Variants in FSIP2 observed in about 807,000 individuals in gnomAD.
The protein encoded by FSIP2 is fibrous sheath interacting protein 2, also known as fibrous sheath-interacting protein 2.
A neutral mutation model predicts 510.5 loss-of-function variants in FSIP2; 367 were observed. The observed-to-expected ratio is 0.72, with a 90% CI of 0.66 to 0.78. The LOEUF is 0.78. Ranked by LOEUF, FSIP2 falls within the 30% of genes least tolerant of loss-of-function variation. The probability of loss-of-function intolerance (pLI) is 0.00; values close to 1 mark genes in which losing one functional copy is unlikely to be tolerated. For missense variants in FSIP2, 7,594 were observed against 7,901.7 expected (o/e 0.96, Z 1.48); for synonymous variants, 2,601 against 2,732.2 (o/e 0.95, Z 1.50).
Position 185,753,825 on chromosome 2 carries a change from G to A in FSIP2, c.974G>A (p.Gly325Asp). The A allele has an allele frequency of 1.4e-6, 2 of 1,479,154 alleles. No homozygotes were observed. The highest frequency in any genetic ancestry group is 1.8e-6 in the Non-Finnish European group (2 of 1,119,410). The allele number at this position is 1,479,154 out of a possible 1,614,324, so 91.6% of individuals were successfully genotyped here. A position where few individuals can be genotyped will look rare whatever the true frequency, so the allele number is the denominator to read the frequency against. ...GGAAAAAATACATTTAAATACAGAGGTCAAGATGGAACACATGGTGAATGT... is the reference window on the plus strand; with the variant it reads ...GGAAAAAATACATTTAAATACAGAGATCAAGATGGAACACATGGTGAATGT... Reference protein sequence around the residue: ...DIGKNTFKYRGQDGTHASPKN... With the variant: ...DIGKNTFKYRDQDGTHASPKN... Residue 325 changes from glycine (G) to aspartate (D), a missense_variant, in exon 8 of 23, where the codon GGT becomes GAT. Coordinates refer to ENST00000424728, the MANE Select transcript of FSIP2 (RefSeq NM_173651.4).
intron 13 of FSIP2, among the ~76,000 whole-genome samples, chr2:185,777,193 A>G (rs1362675953): frequency 4.2e-4 from 64 of 152,312 alleles, no homozygotes; most frequent in South Asian, 4.1e-4. Flanking sequence ...CCTGAAAATA[A>G]CAGAGTGCTG....
At position 185,802,740 on chromosome 2, in the gene FSIP2, T is replaced by A; in HGVS notation, c.13434T>A (p.Ser4478=). ...AAGATATGATCAGAGTACTATTATC[T>A]AAATTATTTTCTTCTGCATCTAGCC... is the stretch of plus-strand genomic sequence containing the variant. The part of the protein sequence containing the change: ...FLEDMIRVLL[S]KLFSSASSLV... The change falls in exon 17 of 23, where the codon TCT becomes TCA. Residue 4478 remains serine, a synonymous_variant. Transcript: ENST00000424728. 1 of 1,512,452 alleles carries A rather than the reference T, an allele frequency of 6.6e-7. No homozygotes were observed. 93.7% of individuals were successfully genotyped at this position (1,512,452 alleles called of 1,614,324 possible). A position where few individuals can be genotyped will look rare whatever the true frequency, so the allele number is the denominator to read the frequency against.
At chr2:185,785,010 T>G (rs906444554) in intron 14 of FSIP2, among the ~76,000 whole-genome samples, 2 of 152,104 alleles carry the variant, frequency 1.3e-5, no homozygotes, top group Non-Finnish European at 2.9e-5. Flanking sequence ...CTTTGCACTT[T>G]CGTGCTGTTT....
Position 185,796,692 on chromosome 2 carries a change from AC to A in FSIP2, c.9557del (p.Thr3186MetfsTer11), listed in dbSNP as rs1210297170. The A allele has an allele frequency of 3.7e-5, 57 of 1,534,986 alleles. No individual in the cohort carries two copies. Among genetic ancestry groups the A allele is most frequent in the Non-Finnish European group, 5.0e-5 (57 of 1,146,266 alleles). The stretch of plus-strand genomic sequence containing the variant: ...GATTAATCCTTCACAAGTGAGTAAA[AC>A]TGGGTTTGTGTTTTGTTCAGATGAA... ...LGINPSQVSK[T>X]GFVFCSDEDM... On this transcript the variant is annotated frameshift_variant, in exon 16 of 23. Transcript: ENST00000424728. LOFTEE classifies it high-confidence loss of function.
At chr2:185,787,561 A>G (rs891692080) in intron 15 of FSIP2, among the ~76,000 whole-genome samples, 38 of 151,788 alleles carry the variant, frequency 2.5e-4, no homozygotes, top group African/African-American at 9.2e-4. Context: ...TACAAGCTCT[A>G]TGTTTTAAGA....
Position 185,792,273 on chromosome 2 carries a change from A to C in FSIP2, c.5137A>C (p.Thr1713Pro). 1 of 1,533,412 alleles carries C rather than the reference A, an allele frequency of 6.5e-7. No homozygotes were observed. The allele number at this position is 1,533,412 out of a possible 1,614,324, so 95.0% of individuals were successfully genotyped here. A position where few individuals can be genotyped will look rare whatever the true frequency, so the allele number is the denominator to read the frequency against. Residue 1713 changes from threonine (T) to proline (P), a missense_variant, in exon 16 of 23, where the codon ACA becomes CCA. Thr to Pro is a conservative substitution (Grantham distance 38). Transcript: ENST00000424728. Reference protein sequence around the residue: ...GGIETYRYRPTYGSLPGGAES... With the variant: ...GGIETYRYRPPYGSLPGGAES... ...CATTGAAACTTATCGATACAGGCCA[A>C]CATATGGAAGTCTTCCTGGAGGAGC...
rs1248795267 is a variant in FSIP2, at chr2:185,796,075, T to C, written c.8939T>C (p.Ile2980Thr). 12 of 1,531,800 alleles carry C rather than the reference T, an allele frequency of 7.8e-6. No individual in the cohort carries two copies. Among genetic ancestry groups the C allele is most frequent in the Non-Finnish European group, 1.0e-5 (12 of 1,145,370 alleles). 94.9% of individuals were successfully genotyped at this position (1,531,800 alleles called of 1,614,324 possible). The stretch of plus-strand genomic sequence containing the variant: ...TATAACACAAAGACAAAAGACCAAA[T>C]TTCTGTGGGCTCCAGCAACCAAATT... ...PIYNTKTKDQ[I>T]SVGSSNQIVQ... Residue 2980 changes from isoleucine to threonine, a missense_variant, in exon 16 of 23, where the codon ATT becomes ACT. Ile to Thr is a moderately conservative substitution (Grantham distance 89). Transcript: ENST00000424728.
intron 21 of FSIP2, among the ~76,000 whole-genome samples, chr2:185,829,109 T>C (rs751263631): frequency 6.6e-6 from 1 of 151,874 alleles, no homozygotes; most frequent in Non-Finnish European, 1.5e-5. Flanking sequence ...AGAAGGGAAA[T>C]GCTGAAGCTC....
Position 185,745,559 on chromosome 2 carries a change from T to A in FSIP2, c.608T>A (p.Met203Lys). Residue 203 changes from methionine (M) to lysine (K), a missense_variant, in exon 5 of 23, where the codon ATG becomes AAG. Met to Lys is a moderately conservative substitution (Grantham distance 95). Coordinates refer to ENST00000424728, the MANE Select transcript of FSIP2 (RefSeq NM_173651.4). ...TESIKDQERL[M>K]RHRYLDMISR... ...TCTATTAAGGACCAGGAGCGGCTGA[T>A]GAGGCATAGGTAAGATTAAAGTTGA... 2 of 1,533,980 alleles carry A rather than the reference T, an allele frequency of 1.3e-6. No individual in the cohort carries two copies. Among genetic ancestry groups the A allele is most frequent in the Non-Finnish European group, 1.7e-6 (2 of 1,145,708 alleles).
intron 9 of FSIP2, among the ~76,000 whole-genome samples, chr2:185,758,400 T>G (rs1481186517): frequency 2.0e-5 from 3 of 151,274 alleles, no homozygotes; most frequent in Non-Finnish European, 4.4e-5. Context: ...AGCCCACCAT[T>G]GACCTTACTG....
chr2:185,785,450 T>C (rs1311665816), intron 14 of FSIP2, among the ~76,000 whole-genome samples: 2 of 152,042 alleles, frequency 1.3e-5, no homozygotes, highest in Non-Finnish European at 2.9e-5. Context: ...AATTTGATCA[T>C]GTAGAGTGCA....
chr2:185,824,038 T>C (rs1693971123), intron 19 of FSIP2, among the ~76,000 whole-genome samples: 2 of 151,776 alleles, frequency 1.3e-5, no homozygotes, highest in Admixed American at 1.3e-4. Flanking sequence ...GTCAAAATCA[T>C]AGAGACAGAA....
In FSIP2 at chr2:185,793,830, G is replaced by A. The variant is rs932489476; in HGVS notation, c.6694G>A (p.Val2232Ile). ...TTATGCTGATGATAATCAGATAACTGTAGTAGAGAAAGAAGACACTCAGAA... is the reference window on the plus strand; with the variant it reads ...TTATGCTGATGATAATCAGATAACTATAGTAGAGAAAGAAGACACTCAGAA... ...SAYADDNQIT[V>I]VEKEDTQKSA... Residue 2232 changes from valine to isoleucine, a missense_variant, in exon 16 of 23, where the codon GTA becomes ATA. Transcript: ENST00000424728. 3.3e-6 allele frequency: 5 copies of A among 1,532,948 alleles called. No homozygotes were observed. In the African/African-American group the frequency reaches 6.9e-5, roughly 21 times the overall value. 95.0% of individuals were successfully genotyped at this position (1,532,948 alleles called of 1,614,324 possible).
chr2:185,806,671 G>C lies in FSIP2; in HGVS notation c.17365G>C (p.Asp5789His). 1 of 1,601,982 alleles carries C rather than the reference G, an allele frequency of 6.2e-7. No individual in the cohort carries two copies. The highest frequency in any genetic ancestry group is 8.5e-7 in the Non-Finnish European group (1 of 1,176,198). ...PGIFPAKFLEDVITEMVKQLI... is the reference protein window; with the variant it reads ...PGIFPAKFLEHVITEMVKQLI... ...AATTTTTCCCGCTAAGTTTTTAGAAGATGTTATTACTGAGATGGTTAAACA... is the reference window on the plus strand; with the variant it reads ...AATTTTTCCCGCTAAGTTTTTAGAACATGTTATTACTGAGATGGTTAAACA... The change falls in exon 17 of 23, where the codon GAT (aspartate) becomes CAT (histidine). Residue 5789 changes from aspartate to histidine, a missense_variant. Physicochemically the swap from Asp to His is moderately conservative, Grantham distance 81. Coordinates refer to ENST00000424728, the MANE Select transcript of FSIP2 (RefSeq NM_173651.4).
At chr2:185,764,446 G>A in intron 12 of FSIP2, 56 bp from the exon 13 acceptor site, 1 of 969,552 alleles carries the variant, frequency 1.0e-6, no homozygotes, top group African/African-American at 1.6e-5. Flanking sequence ...GTTGATGTTT[G>A]AGTCCTAAAA....
chr2:185,760,100 A>G (rs1053731569), intron 9 of FSIP2, among the ~76,000 whole-genome samples: 1 of 150,762 alleles, frequency 6.6e-6, no homozygotes, highest in Admixed American at 6.7e-5. Flanking sequence ...AATTATCTGT[A>G]AATTCTATTT....
At chr2:185,779,577 T>C (rs551059808) in intron 13 of FSIP2, among the ~76,000 whole-genome samples, 13 of 152,268 alleles carry the variant, frequency 8.5e-5, no homozygotes, top group African/African-American at 3.1e-4. Context: ...TAAAATTGGA[T>C]AATTTACTTC....
intron 7 of FSIP2, among the ~76,000 whole-genome samples, chr2:185,748,563 C>A (rs1181430883): frequency 1.1e-4 from 16 of 151,834 alleles, no homozygotes; most frequent in Admixed American, 1.1e-3. Flanking sequence ...GAGCAAGACT[C>A]CATCTCAAAA....
rs1429285679 is a variant in FSIP2 at position 185,795,581 on chromosome 2, A to C, written c.8445A>C (p.Gln2815His). 1 of 1,534,974 alleles carries C rather than the reference A, an allele frequency of 6.5e-7. No individual in the cohort carries two copies. The highest frequency in any genetic ancestry group is 1.4e-5 in the African/African-American group (1 of 72,906). ...GCACAGGATCCCTTCCTAAACAACA[A>C]GCATGTTTTTACTTGGAGAATGTTT... ...NIGTGSLPKQQACFYLENVSS... is the reference protein window; with the variant it reads ...NIGTGSLPKQHACFYLENVSS... Residue 2815 changes from glutamine to histidine, a missense_variant, in exon 16 of 23, where the codon CAA (glutamine) becomes CAC (histidine). Physicochemically the swap from Gln to His is conservative, Grantham distance 24. Transcript: ENST00000424728.
Sources: allele counts gnomAD v4.1 joint callset (sites outside exome capture counted in the v4.1 genomes callset), GRCh38; gene constraint gnomAD v4.1.1; transcripts MANE v1.5; gene names NCBI Gene and HGNC (gene_info 2026-07-23, HGNC 2026-07-21).